The following MICU1 variants were observed in gnomAD, a reference collection of about 807,000 sequenced individuals.
The protein encoded by MICU1 is calcium uptake protein 1, mitochondrial.
Under a neutral mutation model 56.8 loss-of-function variants are expected in MICU1, and 45 were observed. The observed-to-expected ratio is 0.79, with a 90% confidence interval of 0.62 to 1.02. The LOEUF (loss-of-function observed/expected upper bound fraction) is 1.02. Ranked by LOEUF, MICU1 falls within the 50% of genes least tolerant of loss-of-function variation. MICU1 has a pLI of 0.00. For missense variants in MICU1, 504 were observed against 587.1 expected (o/e 0.86, Z 1.46); for synonymous variants, 186 against 195.1 (o/e 0.95, Z 0.39).
intron 8 of MICU1, among the ~76,000 whole-genome samples, chr10:72,442,154 GCTTTTT>G (rs1864957071): frequency 6.6e-6 from 1 of 151,938 alleles, no homozygotes; most frequent in Non-Finnish European, 1.5e-5. Flanking sequence ...TGTGCCTAAT[GCTTTTT>G]CTTTTTCTTT....
In MICU1 at chr10:72,368,147, G is replaced by C. The variant is rs769261158; in HGVS notation, c.*48C>G. 1 of 1,574,398 alleles carries C rather than the reference G, an allele frequency of 6.4e-7. No homozygotes were observed. Among genetic ancestry groups the C allele is most frequent in the East Asian group, 2.3e-5 (1 of 43,878 alleles). On this transcript the variant is annotated 3_prime_UTR_variant, in exon 12 of 12. Transcript: ENST00000361114. ...AGGGCTCTGCCGAGACTCTGCGGAG[G>C]GGGTCCAGGGTACTGGGGGTGGAGG...
At position 72,480,532 on chromosome 10, in the gene MICU1, A is replaced by C. The variant is rs574447584; in HGVS notation, c.653-3276T>G. On this transcript the variant is annotated intron_variant, in intron 6 of 11. Coordinates refer to ENST00000361114, the MANE Select transcript of MICU1 (RefSeq NM_001195518.2). ...CTGAGGAGTGAGGAGAAGGTCAAGA[A>C]AAGGGTAGATTGCAGGTGGAAGCCA... 1.5e-3 allele frequency among the ~76,000 whole-genome samples: 227 copies of C among 152,352 alleles called. 1 individual carries two copies. Among genetic ancestry groups the C allele is most frequent in the Non-Finnish European group, 2.7e-3 (187 of 68,030 alleles).
chr10:72,550,389 G>C (rs1422246890), intron 4 of MICU1, among the ~76,000 whole-genome samples: 1 of 152,102 alleles, frequency 6.6e-6, no homozygotes, highest in African/African-American at 2.4e-5. Flanking sequence ...TTTGCATTAA[G>C]TACTCCATGA....
At chr10:72,448,153 G>C (rs10823924) in intron 8 of MICU1, among the ~76,000 whole-genome samples, 24 of 93,366 alleles carry the variant, frequency 2.6e-4, no homozygotes, top group African/African-American at 9.0e-4. Context: ...GTGTGTGTCT[G>C]TGTGTGTGTA....
chr10:72,399,814 T>C (rs1484372352), intron 10 of MICU1, among the ~76,000 whole-genome samples: 1 of 148,196 alleles, frequency 6.7e-6, no homozygotes, highest in Non-Finnish European at 1.5e-5. Context: ...AATACAAAAA[T>C]TAGCTGGGTG....
chr10:72,589,238 G>A (rs936930532), intron 1 of MICU1, among the ~76,000 whole-genome samples: 5 of 151,708 alleles, frequency 3.3e-5, no homozygotes, highest in South Asian at 2.1e-4. Context: ...GCAGTGGGCC[G>A]AGATTGCGTC....
chr10:72,439,475 C>T (rs1249448338), intron 8 of MICU1, among the ~76,000 whole-genome samples: 1 of 152,176 alleles, frequency 6.6e-6, no homozygotes, highest in Non-Finnish European at 1.5e-5. Flanking sequence ...GAAGCATTCC[C>T]TTTGAAAACT....
At chr10:72,569,545 T>A (rs190195422) in intron 1 of MICU1, among the ~76,000 whole-genome samples, 358 of 151,996 alleles carry the variant, frequency 2.4e-3, no homozygotes, top group Non-Finnish European at 3.8e-3. Flanking sequence ...TAAAATTATA[T>A]CTTGAAGTAT....
At chr10:72,413,791 A>G (rs1450423559) in intron 9 of MICU1, among the ~76,000 whole-genome samples, 2 of 152,236 alleles carry the variant, frequency 1.3e-5, no homozygotes. Flanking sequence ...TTATAACTCA[A>G]TATATGGGAA....
At chr10:72,607,578 G>C (rs1841726298) in intron 1 of MICU1, among the ~76,000 whole-genome samples, 1 of 147,070 alleles carries the variant, frequency 6.8e-6, no homozygotes, top group East Asian at 2.0e-4. Context: ...CAGAGGTTGA[G>C]GTGAGCCAAG....
intron 8 of MICU1, among the ~76,000 whole-genome samples, chr10:72,443,598 G>A (rs1033583260): frequency 1.6e-4 from 24 of 152,262 alleles, no homozygotes; most frequent in Non-Finnish European, 2.2e-4. Flanking sequence ...TGGCTAGCCA[G>A]TTTTCCCAGC....
intron 10 of MICU1, among the ~76,000 whole-genome samples, chr10:72,400,107 C>T (rs1324325298): frequency 6.6e-6 from 1 of 152,118 alleles, no homozygotes; most frequent in Non-Finnish European, 1.5e-5. Flanking sequence ...CATCTCAAAG[C>T]CACATGTATT....
intron 8 of MICU1, among the ~76,000 whole-genome samples, chr10:72,424,109 A>G (rs1179383041): frequency 8.5e-6 from 1 of 118,110 alleles, no homozygotes; most frequent in Non-Finnish European, 2.2e-5. Flanking sequence ...AACAGTGACC[A>G]TTTCCCCCCC....
At chr10:72,402,566 A>T (rs896262340) in intron 10 of MICU1, among the ~76,000 whole-genome samples, 6 of 151,936 alleles carry the variant, frequency 3.9e-5, no homozygotes, top group Non-Finnish European at 7.4e-5. Flanking sequence ...TAGGTATATT[A>T]AAAAAAACAA....
intron 6 of MICU1, among the ~76,000 whole-genome samples, chr10:72,477,853 G>A (rs1444848217): frequency 6.6e-6 from 1 of 151,700 alleles, no homozygotes; most frequent in Non-Finnish European, 1.5e-5. Context: ...ACACTGTAAG[G>A]TACTCAGCCC....
intron 1 of MICU1, among the ~76,000 whole-genome samples, chr10:72,620,356 T>C (rs1842075420): frequency 6.6e-6 from 1 of 152,126 alleles, no homozygotes; most frequent in African/African-American, 2.4e-5. Flanking sequence ...GGCTAATTTT[T>C]TGTATTTTTA....
chr10:72,562,910 T>G lies in MICU1; in HGVS notation c.315A>C (p.Gly105=), dbSNP rs1228910091. Residue 105 remains glycine, a synonymous_variant, in exon 3 of 12, where the codon GGA becomes GGC. Transcript: ENST00000361114. The part of the protein sequence containing the change: ...HPEEKKKKRS[G]FRDRKVMEYE... ...TGTTTCATACTTTTCTGTCTCTGAA[T>G]CCAGAACGTTTCTTCTTTTTCTCTT... is the stretch of plus-strand genomic sequence containing the variant. 6.3e-7 allele frequency: 1 copy of G among 1,595,974 alleles called. No individual in the cohort carries two copies. Among genetic ancestry groups the G allele is most frequent in the Non-Finnish European group, 8.5e-7 (1 of 1,173,716 alleles).
chr10:72,562,837 C>A, intron 3 of MICU1, 58 bp downstream of exon 3: 1 of 1,313,936 alleles, frequency 7.6e-7, no homozygotes. Context: ...AAAGATTGAA[C>A]TGCATTATTC....
At chr10:72,407,652 C>A (rs1323807517) in intron 10 of MICU1, among the ~76,000 whole-genome samples, 1 of 152,166 alleles carries the variant, frequency 6.6e-6, no homozygotes, top group Non-Finnish European at 1.5e-5. Context: ...AGTTCTGCAG[C>A]TTCATGCCCT....
Sources: allele counts gnomAD v4.1 joint callset (sites outside exome capture counted in the v4.1 genomes callset), GRCh38; gene constraint gnomAD v4.1.1; transcripts MANE v1.5; gene names NCBI Gene and HGNC (gene_info 2026-07-23, HGNC 2026-07-21).